The following XIRP2 variants were observed in gnomAD, a reference collection of about 807,000 sequenced individuals.
XIRP2 encodes the protein xin actin-binding repeat-containing protein 2.
Under a neutral mutation model 277.0 loss-of-function variants are expected in XIRP2, and 236 were observed. That is an observed-to-expected ratio of 0.85 (90% CI 0.77 to 0.95). XIRP2 has a LOEUF of 0.95. Among genes scored for constraint, XIRP2 ranks in the 40% least tolerant of loss-of-function variants. The pLI is 0.00. For missense variants in XIRP2, 4,640 were observed against 4,157.5 expected (o/e 1.12, Z -3.19); for synonymous variants, 1,490 against 1,416.5 (o/e 1.05, Z -1.17).
chr2:167,075,209 A>G (rs1179410207), intron 2 of XIRP2, among the ~76,000 whole-genome samples: 2 of 152,010 alleles, frequency 1.3e-5, no homozygotes, highest in Non-Finnish European at 2.9e-5. Flanking sequence ...TTGTTTTTTC[A>G]AAAAGAAGGA....
intron 2 of XIRP2, among the ~76,000 whole-genome samples, chr2:166,950,538 G>A (rs184436082): frequency 1.3e-5 from 2 of 152,114 alleles, no homozygotes; most frequent in Non-Finnish European, 2.9e-5. Flanking sequence ...CATAATTATA[G>A]GGAGCTATTG....
At chr2:166,895,983 A>G (rs553342913) in intron 1 of XIRP2, among the ~76,000 whole-genome samples, 84 of 152,240 alleles carry the variant, frequency 5.5e-4, no homozygotes, top group African/African-American at 2.0e-3. Flanking sequence ...TTATTTCTAC[A>G]TTTATCAAAA....
intron 2 of XIRP2, among the ~76,000 whole-genome samples, chr2:167,054,681 C>T (rs1688998528): frequency 8.4e-6 from 1 of 119,428 alleles, no homozygotes; most frequent in Non-Finnish European, 1.6e-5. Context: ...GAGACTCAGT[C>T]GCAAAAAAAA....
Position 167,249,249 on chromosome 2 carries a change from G to C in XIRP2, c.7857G>C (p.Arg2619=). Reference sequence around the variant, plus strand: ...GCCCAGGCTCTCAAAGTAATGCTCGGATACTAGGAGTGTGTTCTGATAACC... The same window carrying C: ...GCCCAGGCTCTCAAAGTAATGCTCGCATACTAGGAGTGTGTTCTGATAACC... The part of the protein sequence containing the change: ...QPSPGSQSNA[R]ILGVCSDNQL... Residue 2619 remains arginine (R), a synonymous_variant, in exon 9 of 11, where the codon CGG becomes CGC. Transcript: ENST00000409195. 1 of 1,613,736 alleles carries C rather than the reference G, an allele frequency of 6.2e-7. No individual in the cohort carries two copies. Among genetic ancestry groups the C allele is most frequent in the Non-Finnish European group, 8.5e-7 (1 of 1,179,770 alleles).
Position 167,204,201 on chromosome 2 carries a change from G to T in XIRP2, c.563-6534G>T, listed in dbSNP as rs187276564. On this transcript the variant is annotated intron_variant, in intron 3 of 10. Transcript: ENST00000409195. ...TTCAAAGAAAAAATAATAAATTCTGGTTTCTCTGCTCAACAGTTTAAATTA... is the reference window on the plus strand; with the variant it reads ...TTCAAAGAAAAAATAATAAATTCTGTTTTCTCTGCTCAACAGTTTAAATTA... Among the ~76,000 whole-genome samples, 5 of 152,116 alleles carry T rather than the reference G, an allele frequency of 3.3e-5. No individual in the cohort carries two copies. In the East Asian group the frequency reaches 9.6e-4, roughly 29 times the overall value.
intron 5 of XIRP2, among the ~76,000 whole-genome samples, chr2:167,224,601 C>T (rs560891267): frequency 1.3e-5 from 2 of 152,054 alleles, no homozygotes; most frequent in African/African-American, 4.8e-5. Context: ...AACCATAGCA[C>T]CATTTAATTT....
intron 4 of XIRP2, among the ~76,000 whole-genome samples, chr2:167,213,638 A>G (rs557564615): frequency 6.6e-6 from 1 of 152,324 alleles, no homozygotes; most frequent in East Asian, 1.9e-4. Flanking sequence ...GGTCAATGAT[A>G]ACAACATTCA....
intron 2 of XIRP2, among the ~76,000 whole-genome samples, chr2:167,017,386 A>G (rs1393389831): frequency 1.3e-5 from 2 of 151,978 alleles, no homozygotes; most frequent in East Asian, 1.9e-4. Flanking sequence ...TGGGTTCACC[A>G]TGTATTCCTC....
At chr2:167,095,232 C>A (rs986326429) in intron 2 of XIRP2, among the ~76,000 whole-genome samples, 3 of 152,158 alleles carry the variant, frequency 2.0e-5, no homozygotes, top group Non-Finnish European at 4.4e-5. Context: ...ATGGGGTTTT[C>A]TAAATATAAA....
chr2:167,055,207 G>C (rs1209829762), intron 2 of XIRP2, among the ~76,000 whole-genome samples: 2 of 152,080 alleles, frequency 1.3e-5, no homozygotes, highest in Non-Finnish European at 2.9e-5. Flanking sequence ...CCGTGCTAAA[G>C]ACCACAAAGA....
Position 167,250,421 on chromosome 2 carries a change from A to G in XIRP2, c.9029A>G (p.Glu3010Gly). The change falls in exon 9 of 11, where the codon GAA (glutamate) becomes GGA (glycine). Residue 3010 changes from glutamate to glycine, a missense_variant. By Grantham distance (98) the Glu-to-Gly change is moderately conservative. Transcript: ENST00000409195. ...AMENNLEKVK[E>G]EITHIKTQAE... Reference sequence around the variant, plus strand: ...GAGAATAATTTAGAAAAAGTAAAAGAAGAAATAACACATATTAAAACTCAA... The same window carrying G: ...GAGAATAATTTAGAAAAAGTAAAAGGAGAAATAACACATATTAAAACTCAA... The G allele has an allele frequency of 1.1e-5, 18 of 1,613,428 alleles. No homozygotes were observed. Among genetic ancestry groups the G allele is most frequent in the Non-Finnish European group, 1.5e-5 (18 of 1,179,646 alleles).
intron 2 of XIRP2, among the ~76,000 whole-genome samples, chr2:166,936,725 AT>A (rs1215423281): frequency 1.3e-5 from 2 of 152,004 alleles, no homozygotes; most frequent in Non-Finnish European, 2.9e-5. Context: ...ATGGTTGTAG[AT>A]GTGTGGTATT....
chr2:167,215,120 C>A (rs1573965299), intron 4 of XIRP2, among the ~76,000 whole-genome samples: 1 of 152,034 alleles, frequency 6.6e-6, no homozygotes, highest in African/African-American at 2.4e-5. Flanking sequence ...TCCAGGAAAG[C>A]CACTTATATA....
At chr2:166,969,464 A>T (rs1021745112) in intron 2 of XIRP2, among the ~76,000 whole-genome samples, 1 of 151,988 alleles carries the variant, frequency 6.6e-6, no homozygotes, top group Non-Finnish European at 1.5e-5. Flanking sequence ...GAAACATGAT[A>T]ATCTATTAAA....
chr2:166,982,020 A>G (rs1206825200), intron 2 of XIRP2, among the ~76,000 whole-genome samples: 4 of 152,096 alleles, frequency 2.6e-5, no homozygotes, highest in Non-Finnish European at 5.9e-5. Flanking sequence ...TAGCATTTTC[A>G]GTGTAGATCT....
chr2:167,088,465 G>T (rs1690030261), intron 2 of XIRP2, among the ~76,000 whole-genome samples: 1 of 152,054 alleles, frequency 6.6e-6, no homozygotes, highest in African/African-American at 2.4e-5. Context: ...TTCTAACTCA[G>T]TTTTAGTACA....
intron 2 of XIRP2, among the ~76,000 whole-genome samples, chr2:167,112,873 T>C (rs112598454): frequency 0.074 from 11,321 of 152,104 alleles, 481 homozygotes; most frequent in South Asian, 0.16. Flanking sequence ...GAAGCTGATC[T>C]CAAACTCCTG....
At chr2:167,062,103 G>T (rs1230964699) in intron 2 of XIRP2, among the ~76,000 whole-genome samples, 1 of 152,118 alleles carries the variant, frequency 6.6e-6, no homozygotes, top group East Asian at 1.9e-4. Flanking sequence ...TTATCTTATA[G>T]TCTGGCAATC....
intron 2 of XIRP2, among the ~76,000 whole-genome samples, chr2:167,066,851 G>A (rs543424678): frequency 6.6e-6 from 1 of 152,248 alleles, no homozygotes; most frequent in Middle Eastern, 3.4e-3. Flanking sequence ...TGAACCTGGA[G>A]TACATTATGC....
Sources: allele counts gnomAD v4.1 joint callset (sites outside exome capture counted in the v4.1 genomes callset), GRCh38; gene constraint gnomAD v4.1.1; transcripts MANE v1.5; gene names NCBI Gene and HGNC (gene_info 2026-07-23, HGNC 2026-07-21).